The following PHKB variants were observed in gnomAD, a reference collection of about 807,000 sequenced individuals.
PHKB encodes phosphorylase b kinase regulatory subunit beta.
PHKB carries 122 observed loss-of-function variants against 152.1 expected under a neutral mutation model. The ratio of observed to expected loss-of-function variants is 0.80; its 90% CI spans 0.69 to 0.93. The LOEUF is 0.93. Among genes scored for constraint, PHKB ranks in the 40% least tolerant of loss-of-function variants. The pLI is 0.00. For synonymous variants in PHKB, 436 were observed against 464.9 expected, an observed-to-expected ratio of 0.94 and a Z score of 0.80; for missense variants, 1,304 against 1,328.4, an observed-to-expected ratio of 0.98 and a Z score of 0.29.
At position 47,552,687 on chromosome 16, in the gene PHKB, T is replaced by C. The variant is rs144501417; in HGVS notation, c.710+5139T>C. Among the ~76,000 whole-genome samples the C allele has an allele frequency of 9.4e-3, 1,425 of 152,126 alleles. 9 individuals are homozygous for C. Among genetic ancestry groups the C allele is most frequent in the Non-Finnish European group, 0.016 (1,071 of 67,992 alleles). On this transcript the variant is annotated intron_variant, in intron 7 of 30. Coordinates refer to ENST00000323584, the MANE Select transcript of PHKB (RefSeq NM_000293.3). Reference sequence around the variant, plus strand: ...AGCCGAGTGTGGTGGCGGGTGCCTGTAATCCCAGCAATTCGGGAGGCTGAG... The same window carrying C: ...AGCCGAGTGTGGTGGCGGGTGCCTGCAATCCCAGCAATTCGGGAGGCTGAG...
intron 23 of PHKB, 148 bp from the exon 24 acceptor site, chr16:47,663,529 A>G (rs562043330): frequency 9.0e-6 from 6 of 669,094 alleles, no homozygotes; most frequent in Non-Finnish European, 1.3e-5. Context: ...TTTGAGTTAC[A>G]TATTTAAATA....
At chr16:47,505,004 C>T (rs1452115886) in intron 4 of PHKB, among the ~76,000 whole-genome samples, 3 of 152,204 alleles carry the variant, frequency 2.0e-5, no homozygotes, top group Non-Finnish European at 2.9e-5. Flanking sequence ...ATGTGTAAAT[C>T]GATTGGTCAT....
chr16:47,477,739 A>G (rs1458823019), intron 1 of PHKB, among the ~76,000 whole-genome samples: 1 of 152,194 alleles, frequency 6.6e-6, no homozygotes, highest in African/African-American at 2.4e-5. Flanking sequence ...CCCCTTGTAT[A>G]CAAACTTTGA....
chr16:47,634,482 A>T (rs1030175645), intron 14 of PHKB, among the ~76,000 whole-genome samples: 2 of 152,130 alleles, frequency 1.3e-5, no homozygotes, highest in African/African-American at 4.8e-5. Flanking sequence ...GAAGGGAATG[A>T]ATAACAATAA....
intron 13 of PHKB, among the ~76,000 whole-genome samples, chr16:47,599,385 A>G (rs1479664970): frequency 6.6e-6 from 1 of 152,174 alleles, no homozygotes; most frequent in Non-Finnish European, 1.5e-5. Flanking sequence ...TGTTTGAGCA[A>G]AGCCTCTAGA....
chr16:47,498,660 G>A (rs991137161), intron 2 of PHKB, among the ~76,000 whole-genome samples: 1 of 152,110 alleles, frequency 6.6e-6, no homozygotes, highest in Non-Finnish European at 1.5e-5. Flanking sequence ...TAGCCCTTTG[G>A]GAGACCAGCA....
Position 47,604,350 on chromosome 16 carries a change from A to G in PHKB, c.1364-6476A>G, listed in dbSNP as rs141479892. ...CACTCAGATCTACCAGTGTTTTCCT[A>G]TTTAGTTTTTGCTGTGGAATTTACC... is the stretch of plus-strand genomic sequence containing the variant. On this transcript the variant is annotated intron_variant, in intron 13 of 30. Coordinates refer to ENST00000323584, the MANE Select transcript of PHKB (RefSeq NM_000293.3). 7.5e-3 allele frequency among the ~76,000 whole-genome samples: 1,138 copies of G among 152,220 alleles called. 18 individuals are homozygous for G. Among genetic ancestry groups the G allele is most frequent in the African/African-American group, 0.026 (1,078 of 41,534 alleles).
chr16:47,522,961 A>G (rs1229850006), intron 6 of PHKB, among the ~76,000 whole-genome samples: 2 of 122,504 alleles, frequency 1.6e-5, no homozygotes, highest in African/African-American at 6.1e-5. Flanking sequence ...TTTCAAGTCA[A>G]TTTTTTTTTT....
chr16:47,531,164 A>T (rs1291907145), intron 6 of PHKB, among the ~76,000 whole-genome samples: 1 of 152,190 alleles, frequency 6.6e-6, no homozygotes, highest in Non-Finnish European at 1.5e-5. Context: ...CGACACACAC[A>T]TACGTATATG....
At chr16:47,644,025 T>C (rs989453993) in intron 16 of PHKB, among the ~76,000 whole-genome samples, 1 of 152,078 alleles carries the variant, frequency 6.6e-6, no homozygotes, top group African/African-American at 2.4e-5. Context: ...CCCTGGAATG[T>C]GGGGAGCACT....
intron 7 of PHKB, among the ~76,000 whole-genome samples, chr16:47,555,751 G>T (rs565348114): frequency 6.6e-6 from 1 of 152,186 alleles, no homozygotes; most frequent in Non-Finnish European, 1.5e-5. Flanking sequence ...TTGACTTGGC[G>T]ATGTGGGCTC....
At chr16:47,659,850 A>G (rs919626680) in intron 20 of PHKB, among the ~76,000 whole-genome samples, 5 of 152,032 alleles carry the variant, frequency 3.3e-5, no homozygotes, top group Non-Finnish European at 7.4e-5. Flanking sequence ...TAATTTGGAT[A>G]TTTTATTTTA....
chr16:47,610,252 G>A (rs923830323), intron 13 of PHKB, among the ~76,000 whole-genome samples: 14 of 142,030 alleles, frequency 9.9e-5, no homozygotes, highest in East Asian at 6.3e-4. Flanking sequence ...CTTGTGATCC[G>A]CCCACCTCAG....
chr16:47,502,941 C>G (rs770926245), intron 3 of PHKB, 50 bp from the exon 4 acceptor site: 10 of 1,202,636 alleles, frequency 8.3e-6, no homozygotes, highest in Admixed American at 5.2e-5. Flanking sequence ...GCTCTGCTTC[C>G]TTTTCAAATG....
chr16:47,690,730 A>T (rs1169863158), intron 27 of PHKB, among the ~76,000 whole-genome samples: 5 of 152,196 alleles, frequency 3.3e-5, no homozygotes, highest in Admixed American at 1.3e-4. Flanking sequence ...CCATCATTGC[A>T]TGGAAGTATG....
In PHKB at chr16:47,502,681, A is replaced by AT. The variant is rs539394583; in HGVS notation, c.306-303dup. Among the ~76,000 whole-genome samples, 520 of 152,268 alleles carry AT rather than the reference A, an allele frequency of 3.4e-3. 1 individual carries two copies. The highest frequency in any genetic ancestry group is 6.0e-3 in the Non-Finnish European group (406 of 68,006). On this transcript the variant is annotated intron_variant, in intron 3 of 30. Transcript: ENST00000323584. Reference sequence around the variant, plus strand: ...TGAATTTAAAACAATCTGTTGGTGGATTTTTTTCCAATAGAAATATTCTTT... The same window carrying AT: ...TGAATTTAAAACAATCTGTTGGTGGATTTTTTTTCCAATAGAAATATTCTTT...
At chr16:47,639,489 G>A (rs1972979554) in intron 14 of PHKB, among the ~76,000 whole-genome samples, 1 of 152,158 alleles carries the variant, frequency 6.6e-6, no homozygotes, top group South Asian at 2.1e-4. Context: ...TAGATGGTTT[G>A]TGAACCAGAC....
At chr16:47,684,962 G>A (rs1004858292) in intron 26 of PHKB, among the ~76,000 whole-genome samples, 5 of 152,072 alleles carry the variant, frequency 3.3e-5, no homozygotes, top group South Asian at 2.1e-4. Context: ...GCTTGTTGGC[G>A]AGTAGAGCAT....
chr16:47,564,972 C>A, intron 7 of PHKB: 1 of 205,352 alleles, frequency 4.9e-6, no homozygotes, highest in Non-Finnish European at 9.9e-6. Flanking sequence ...TTTTTTTTTT[C>A]CCCCAGGAGA....
Sources: gnomAD v4.1 joint callset for allele counts (sites outside exome capture counted in the v4.1 genomes callset) on GRCh38, gnomAD v4.1.1 for gene constraint, MANE v1.5 for transcripts, NCBI Gene and HGNC (gene_info 2026-07-23, HGNC 2026-07-21) for gene names.